The following CSMD3 variants were observed in gnomAD, a reference collection of about 807,000 sequenced individuals.
The protein encoded by CSMD3 is CUB and sushi domain-containing protein 3.
CSMD3 carries 177 observed loss-of-function variants against 435.2 expected under a neutral mutation model. That is an observed-to-expected ratio of 0.41 (90% CI 0.36 to 0.46). The LOEUF (loss-of-function observed/expected upper bound fraction) is 0.46, where lower values mean the gene tolerates loss of function less well. CSMD3 is among the 20% of genes least tolerant of loss of function. The pLI is 0.34. For missense variants in CSMD3, 4,265 were observed against 4,504.6 expected (o/e 0.95, Z 1.52); for synonymous variants, 1,656 against 1,520.5 (o/e 1.09, Z -2.07).
chr8:112,475,570 G>A (rs562554008), intron 31 of CSMD3, among the ~76,000 whole-genome samples: 1 of 152,110 alleles, frequency 6.6e-6, no homozygotes, highest in Admixed American at 6.5e-5. Flanking sequence ...ACTATGCTCT[G>A]AGATACACAT....
At chr8:113,282,105 C>A (rs2093616901) in intron 2 of CSMD3, among the ~76,000 whole-genome samples, 1 of 151,776 alleles carries the variant, frequency 6.6e-6, no homozygotes. Flanking sequence ...TATGACAAAC[C>A]CATAGCCAAC....
chr8:112,716,167 T>A (rs1450992555), intron 13 of CSMD3, among the ~76,000 whole-genome samples: 3 of 152,276 alleles, frequency 2.0e-5, no homozygotes, highest in Non-Finnish European at 4.4e-5. Flanking sequence ...ATTTTATATT[T>A]ACAAAACTCC....
chr8:112,550,673 G>A lies in CSMD3; in HGVS notation c.4562C>T (p.Ser1521Leu). The change falls in exon 27 of 71, where the codon TCA becomes TTA. Residue 1521 changes from serine to leucine, a missense_variant and splice_region_variant. By Grantham distance (145) the Ser-to-Leu change is moderately radical (BLOSUM62 -2). Around this residue, in one of 3 missense-constraint regions of CSMD3, gnomAD observed 3,255 missense variants for 3,380.2 expected, o/e 0.96. Transcript: ENST00000297405. ...AGAAATTTTTTGAAAAAACTTACTT[G>A]AAAACTGAATTGCAAATCCAGATTT... ...ISKSGFAIQF[S>L]SSVATACRDP... is the part of the protein sequence containing the mutation. 1.3e-6 allele frequency: 2 copies of A among 1,580,070 alleles called. No homozygotes were observed. The highest frequency in any genetic ancestry group is 2.2e-5 in the East Asian group (1 of 44,596).
At chr8:112,845,670 A>C (rs531648861) in intron 11 of CSMD3, among the ~76,000 whole-genome samples, 8 of 152,072 alleles carry the variant, frequency 5.3e-5, no homozygotes, top group Admixed American at 3.3e-4. Flanking sequence ...ATAAAACATC[A>C]CACTGAATTT....
At chr8:113,112,280 G>T (rs2090666276) in intron 4 of CSMD3, among the ~76,000 whole-genome samples, 1 of 149,718 alleles carries the variant, frequency 6.7e-6, no homozygotes, top group Non-Finnish European at 1.5e-5. Context: ...TGGATACCAA[G>T]AATTGACTAC....
chr8:112,271,538 T>C (rs947801147), intron 59 of CSMD3, among the ~76,000 whole-genome samples: 2 of 152,126 alleles, frequency 1.3e-5, no homozygotes, highest in Non-Finnish European at 2.9e-5. Context: ...GATAAAAGTA[T>C]ACTAAAGAAC....
At chr8:112,499,707 A>G (rs1013929711) in intron 30 of CSMD3, among the ~76,000 whole-genome samples, 1 of 152,214 alleles carries the variant, frequency 6.6e-6, no homozygotes, top group Non-Finnish European at 1.5e-5. Flanking sequence ...ATAATGCTAT[A>G]CTTAGAACCA....
intron 3 of CSMD3, among the ~76,000 whole-genome samples, chr8:113,210,391 C>A (rs558491100): frequency 6.6e-6 from 1 of 152,158 alleles, no homozygotes; most frequent in South Asian, 2.1e-4. Context: ...ATTCTCTTCA[C>A]AAACTAAATT....
intron 4 of CSMD3, among the ~76,000 whole-genome samples, chr8:113,148,363 G>A (rs1308993985): frequency 6.6e-6 from 1 of 151,496 alleles, no homozygotes; most frequent in Non-Finnish European, 1.5e-5. Flanking sequence ...ATTTCCTTCA[G>A]TTGCCTTCCA....
intron 17 of CSMD3, among the ~76,000 whole-genome samples, chr8:112,661,583 A>C (rs1452760087): frequency 7.2e-5 from 11 of 152,152 alleles, no homozygotes; most frequent in Admixed American, 5.2e-4. Context: ...TATTTATTTA[A>C]TGATGATTAA....
At chr8:112,377,482 T>C (rs1003262458) in intron 38 of CSMD3, among the ~76,000 whole-genome samples, 4 of 152,110 alleles carry the variant, frequency 2.6e-5, no homozygotes, top group Admixed American at 6.6e-5. Flanking sequence ...GGGGAAAATA[T>C]GTCCAAACTT....
intron 10 of CSMD3, among the ~76,000 whole-genome samples, chr8:112,883,502 A>G (rs905273539): frequency 7.2e-5 from 11 of 151,990 alleles, no homozygotes; most frequent in African/African-American, 2.7e-4. Context: ...AAAAATAAAA[A>G]TCACTTACCA....
intron 40 of CSMD3, among the ~76,000 whole-genome samples, chr8:112,350,834 A>G (rs1826072964): frequency 6.6e-6 from 1 of 152,088 alleles, no homozygotes; most frequent in Admixed American, 6.5e-5. Context: ...CTCAATAGTA[A>G]GCAATAGAAT....
chr8:113,031,922 T>G (rs1168631353), intron 5 of CSMD3, among the ~76,000 whole-genome samples: 1 of 151,572 alleles, frequency 6.6e-6, no homozygotes, highest in Admixed American at 6.6e-5. Context: ...GAGGGAGTTC[T>G]CATGAGATAT....
At chr8:112,241,465 T>C (rs1310259917) in intron 66 of CSMD3, among the ~76,000 whole-genome samples, 1 of 152,044 alleles carries the variant, frequency 6.6e-6, no homozygotes, top group Non-Finnish European at 1.5e-5. Context: ...CATTATGCTA[T>C]AGTCATTTAC....
At chr8:112,345,523 A>T (rs540100620) in intron 41 of CSMD3, among the ~76,000 whole-genome samples, 85 of 152,232 alleles carry the variant, frequency 5.6e-4, no homozygotes, top group Non-Finnish European at 9.4e-4. Context: ...TCACATGTGG[A>T]ATCTGAAAAA....
In CSMD3 at chr8:112,489,000, A is replaced by C. The variant is rs576263652; in HGVS notation, c.5278+3489T>G. On this transcript the variant is annotated intron_variant, in intron 31 of 70. Coordinates refer to ENST00000297405, the MANE Select transcript of CSMD3 (RefSeq NM_198123.2). ...CTACTTTTTTATTATTTTCTTAGTT[A>C]TCATATGCATATCTCAGATAAAAAT... Among the ~76,000 whole-genome samples, 53 of 152,312 alleles carry C rather than the reference A, an allele frequency of 3.5e-4. No individual in the cohort carries two copies. The South Asian group carries it at 0.011, about 31-fold the overall frequency.
At chr8:113,198,582 T>C (rs967200900) in intron 3 of CSMD3, among the ~76,000 whole-genome samples, 2 of 151,192 alleles carry the variant, frequency 1.3e-5, no homozygotes, top group African/African-American at 4.8e-5. Context: ...GTTGTGTTTG[T>C]TTTTGTTTTT....
intron 35 of CSMD3, among the ~76,000 whole-genome samples, chr8:112,392,314 C>CA (rs1200157495): frequency 0.5 from 41,617 of 83,822 alleles, 9,069 homozygotes; most frequent in Middle Eastern, 0.6. Context: ...GGCAATTACT[C>CA]AAAAAAAAAA....
Sources: gnomAD v4.1 joint callset for allele counts (sites outside exome capture counted in the v4.1 genomes callset) on GRCh38, gnomAD v4.1.1 for gene constraint, gnomAD v4.1.1 regional missense constraint, MANE v1.5 for transcripts, NCBI Gene and HGNC (gene_info 2026-07-23, HGNC 2026-07-21) for gene names.